The following ELMO1 variants were observed in gnomAD, a reference collection of about 807,000 sequenced individuals.
The protein encoded by ELMO1 is engulfment and cell motility protein 1.
In ELMO1, 26 loss-of-function variants were observed where a neutral mutation model predicts 98.9. The observed-to-expected ratio is 0.26, with a 90% confidence interval of 0.19 to 0.36. The LOEUF (loss-of-function observed/expected upper bound fraction) is 0.36, where lower values mean the gene tolerates loss of function less well. Among genes scored for constraint, ELMO1 ranks in the 10% least tolerant of loss-of-function variants. The probability of loss-of-function intolerance (pLI) is 1.00; values close to 1 mark genes in which losing one functional copy is unlikely to be tolerated. For synonymous variants in ELMO1, 346 were observed against 346.0 expected (o/e 1.00, Z 0.00); for missense variants, 627 against 935.2 (o/e 0.67, Z 4.30).
chr7:37,373,838 C>G (rs1244452863), intron 1 of ELMO1, among the ~76,000 whole-genome samples: 1 of 152,176 alleles, frequency 6.6e-6, no homozygotes, highest in African/African-American at 2.4e-5. Context: ...TCAGGGAGGC[C>G]TACTCTGAGC....
intron 16 of ELMO1, among the ~76,000 whole-genome samples, chr7:36,916,310 G>A (rs1049079552): frequency 2.0e-5 from 3 of 152,200 alleles, no homozygotes; most frequent in African/African-American, 7.2e-5. Context: ...TACCCAAGCC[G>A]GTGATAATCC....
intron 1 of ELMO1, among the ~76,000 whole-genome samples, chr7:37,366,380 C>T (rs1801903531): frequency 6.6e-6 from 1 of 152,272 alleles, no homozygotes; most frequent in African/African-American, 2.4e-5. Context: ...ACATGTAAAT[C>T]ACTTCATCAC....
At chr7:37,190,234 G>C (rs1485705884) in intron 13 of ELMO1, among the ~76,000 whole-genome samples, 1 of 152,154 alleles carries the variant, frequency 6.6e-6, no homozygotes, top group Admixed American at 6.5e-5. Flanking sequence ...CTTTGCTTCA[G>C]AGCAACACGT....
chr7:37,084,060 A>G (rs950886807), intron 15 of ELMO1, among the ~76,000 whole-genome samples: 31 of 152,182 alleles, frequency 2.0e-4, no homozygotes, highest in Admixed American at 1.7e-3. Flanking sequence ...GTGTTCTGAA[A>G]CACAAGATTG....
At position 37,009,410 on chromosome 7, in the gene ELMO1, T is replaced by C. The variant is rs187996498; in HGVS notation, c.1437+3889A>G. Among the ~76,000 whole-genome samples the C allele has an allele frequency of 2.6e-5, 4 of 152,320 alleles. No homozygotes were observed. In the East Asian group the frequency reaches 7.7e-4, roughly 29 times the overall value. On this transcript the variant is annotated intron_variant, in intron 16 of 21. Coordinates refer to ENST00000310758, the MANE Select transcript of ELMO1 (RefSeq NM_014800.11). ...ACTCTTCAATTCTACTTCTCTTATA[T>C]AAATAAAAAACATTCCATCTGCTGC...
chr7:36,889,969 G>T (rs916546646), intron 17 of ELMO1, among the ~76,000 whole-genome samples: 1 of 152,118 alleles, frequency 6.6e-6, no homozygotes, highest in South Asian at 2.1e-4. Flanking sequence ...CTTTCCTGGC[G>T]AATGGACTCA....
At chr7:36,884,721 T>C (rs558734120) in intron 18 of ELMO1, among the ~76,000 whole-genome samples, 1 of 152,372 alleles carries the variant, frequency 6.6e-6, no homozygotes, top group Non-Finnish European at 1.5e-5. Context: ...CTCGGGGACC[T>C]GCTAGCCAAA....
chr7:37,217,947 A>G (rs1446981594), intron 10 of ELMO1, among the ~76,000 whole-genome samples: 1 of 152,194 alleles, frequency 6.6e-6, no homozygotes, highest in East Asian at 1.9e-4. Context: ...ATCCAATACT[A>G]GGTCTTATAC....
chr7:37,093,449 A>G (rs922603499), intron 15 of ELMO1, among the ~76,000 whole-genome samples: 2 of 152,244 alleles, frequency 1.3e-5, no homozygotes, highest in Non-Finnish European at 2.9e-5. Context: ...TAAAGTGACC[A>G]TGGTCTTCAA....
chr7:37,395,867 T>G (rs770761889), intron 1 of ELMO1, among the ~76,000 whole-genome samples: 14 of 152,320 alleles, frequency 9.2e-5, no homozygotes, highest in Non-Finnish European at 2.1e-4. Flanking sequence ...TAAAAACAAG[T>G]GCACAGACAT....
At chr7:37,012,289 G>A (rs1445585125) in intron 16 of ELMO1, among the ~76,000 whole-genome samples, 1 of 152,208 alleles carries the variant, frequency 6.6e-6, no homozygotes, top group Non-Finnish European at 1.5e-5. Flanking sequence ...AGGATGAGAT[G>A]TATATCCAGG....
At chr7:36,889,487 G>A (rs1217045804) in intron 17 of ELMO1, among the ~76,000 whole-genome samples, 1 of 152,154 alleles carries the variant, frequency 6.6e-6, no homozygotes, top group African/African-American at 2.4e-5. Context: ...CAGGTGACAG[G>A]GTGCAGACAA....
chr7:37,151,600 A>G (rs923419525), intron 13 of ELMO1, among the ~76,000 whole-genome samples: 1 of 152,168 alleles, frequency 6.6e-6, no homozygotes, highest in African/African-American at 2.4e-5. Context: ...ATTCAACCTA[A>G]TAGCTAAACA....
chr7:36,931,303 A>C (rs557519487), intron 16 of ELMO1, among the ~76,000 whole-genome samples: 2 of 152,176 alleles, frequency 1.3e-5, no homozygotes, highest in African/African-American at 4.8e-5. Flanking sequence ...AACTCTTCTT[A>C]AGACCTCAGT....
intron 18 of ELMO1, among the ~76,000 whole-genome samples, chr7:36,883,222 C>T (rs1804637602): frequency 2.0e-5 from 3 of 152,224 alleles, no homozygotes; most frequent in Admixed American, 1.3e-4. Context: ...ATGAAACAGA[C>T]ACTGTCCTCT....
At chr7:37,167,811 T>C (rs1285838030) in intron 13 of ELMO1, among the ~76,000 whole-genome samples, 2 of 150,172 alleles carry the variant, frequency 1.3e-5, no homozygotes, top group East Asian at 2.0e-4. Context: ...CTGACAATTA[T>C]GTGTCTTGGA....
At chr7:37,050,453 T>A (rs1796039030) in intron 15 of ELMO1, among the ~76,000 whole-genome samples, 1 of 152,140 alleles carries the variant, frequency 6.6e-6, no homozygotes, top group Admixed American at 6.5e-5. Context: ...AAACCAAGAA[T>A]TAGCCATTCC....
intron 7 of ELMO1, among the ~76,000 whole-genome samples, 189 bp downstream of exon 7, chr7:37,244,167 A>T (rs1794885892): frequency 6.6e-6 from 1 of 152,180 alleles, no homozygotes; most frequent in Admixed American, 6.5e-5. Context: ...AAAGCAAAAA[A>T]AGGGGGGAAA....
chr7:37,064,687 A>T (rs1796859516), intron 15 of ELMO1, among the ~76,000 whole-genome samples: 1 of 152,068 alleles, frequency 6.6e-6, no homozygotes, highest in African/African-American at 2.4e-5. Flanking sequence ...TACTTACCCT[A>T]TTAAAACCCT....
Sources: gnomAD v4.1 joint callset for allele counts (sites outside exome capture counted in the v4.1 genomes callset) on GRCh38, gnomAD v4.1.1 for gene constraint, MANE v1.5 for transcripts, NCBI Gene and HGNC (gene_info 2026-07-23, HGNC 2026-07-21) for gene names.